Variants in ZNF827 observed in about 807,000 individuals in gnomAD.
The protein encoded by ZNF827 is zinc finger protein 827.
Under a neutral mutation model 102.4 loss-of-function variants are expected in ZNF827, and 13 were observed. That is an observed-to-expected ratio of 0.13 (90% CI 0.08 to 0.20). The LOEUF is 0.20. Ranked by LOEUF, ZNF827 falls within the 10% of genes least tolerant of loss-of-function variation. ZNF827 has a pLI of 1.00. For missense variants in ZNF827, 1,103 were observed against 1,344.4 expected (o/e 0.82, Z 2.81); for synonymous variants, 523 against 536.2 (o/e 0.98, Z 0.34).
At chr4:145,812,376 C>T (rs1742107995) in intron 8 of ZNF827, among the ~76,000 whole-genome samples, 1 of 152,164 alleles carries the variant, frequency 6.6e-6, no homozygotes, top group Non-Finnish European at 1.5e-5. Context: ...GCCTCCATCT[C>T]CCACTCTCTG....
chr4:145,767,540 C>T (rs937451643), intron 11 of ZNF827, among the ~76,000 whole-genome samples: 4 of 151,938 alleles, frequency 2.6e-5, no homozygotes, highest in African/African-American at 7.3e-5. Flanking sequence ...ATAAGAAACA[C>T]GAAGAAACCT....
Position 145,759,250 on chromosome 4 carries a change from A to C in ZNF827, c.*2366T>G, listed in dbSNP as rs1482851143. ...GGAAATTCTGTTGTTTTAAAAATAC[A>C]AGCAATGAACATATTCAGCCAAAGA... is the stretch of plus-strand genomic sequence containing the variant. On this transcript the variant is annotated 3_prime_UTR_variant, in exon 15 of 15. Transcript: ENST00000508784. 1 of 152,248 alleles carries C rather than the reference A, an allele frequency of 6.6e-6. No homozygotes were observed. Among genetic ancestry groups the C allele is most frequent in the Non-Finnish European group, 1.5e-5 (1 of 68,048 alleles). The allele number at this position is 152,248 out of a possible 1,614,324, so 9.4% of individuals were successfully genotyped here. A position where few individuals can be genotyped will look rare whatever the true frequency, so the allele number is the denominator to read the frequency against.
At chr4:145,878,429 T>C (rs77100247) in intron 4 of ZNF827, among the ~76,000 whole-genome samples, 2,502 of 152,042 alleles carry the variant, frequency 0.016, 65 homozygotes, top group African/African-American at 0.057. Context: ...GAGCTAGGGC[T>C]GAGCATGGTG....
Position 145,793,487 on chromosome 4 carries a change from A to G in ZNF827, c.2384-13976T>C, listed in dbSNP as rs1045833094. ...TGTTCAAGGGCAGGAAGCATCCAGCATGGGAGAAAGATGTCGGCTGGGAGG... is the reference window on the plus strand; with the variant it reads ...TGTTCAAGGGCAGGAAGCATCCAGCGTGGGAGAAAGATGTCGGCTGGGAGG... On this transcript the variant is annotated intron_variant, in intron 8 of 14. Coordinates refer to ENST00000508784, the MANE Select transcript of ZNF827 (RefSeq NM_001306215.2). 8.6e-5 allele frequency among the ~76,000 whole-genome samples: 13 copies of G among 151,528 alleles called. No homozygotes were observed. The East Asian group carries it at 1.7e-3, about 20-fold the overall frequency.
chr4:145,849,217 T>C (rs1746280455), intron 6 of ZNF827, 105 bp downstream of exon 6: 1 of 1,415,422 alleles, frequency 7.1e-7, no homozygotes, highest in Non-Finnish European at 9.4e-7. Context: ...GATTTCTGTC[T>C]AAAAAATCCT....
intron 5 of ZNF827, among the ~76,000 whole-genome samples, chr4:145,864,054 C>G (rs930029860): frequency 6.6e-6 from 1 of 151,694 alleles, no homozygotes; most frequent in Non-Finnish European, 1.5e-5. Context: ...ATCAGCCGGG[C>G]GCAGTGGCAG....
intron 5 of ZNF827, among the ~76,000 whole-genome samples, chr4:145,855,431 A>T (rs1180901442): frequency 2.0e-5 from 3 of 152,244 alleles, no homozygotes; most frequent in Non-Finnish European, 4.4e-5. Flanking sequence ...AGGATTGATC[A>T]TTACTTAAAA....
chr4:145,929,421 G>C (rs1365986708), intron 1 of ZNF827, among the ~76,000 whole-genome samples: 4 of 152,114 alleles, frequency 2.6e-5, no homozygotes, highest in African/African-American at 7.2e-5. Context: ...GGAGGATTTA[G>C]TATCCTCACT....
intron 7 of ZNF827, among the ~76,000 whole-genome samples, chr4:145,825,865 C>T (rs1249657034): frequency 6.6e-6 from 1 of 152,138 alleles, no homozygotes; most frequent in South Asian, 2.1e-4. Flanking sequence ...CCAGCTTTAT[C>T]CTGCATAGAA....
intron 2 of ZNF827, among the ~76,000 whole-genome samples, chr4:145,901,820 C>G (rs1167216719): frequency 6.6e-6 from 1 of 152,008 alleles, no homozygotes; most frequent in African/African-American, 2.4e-5. Flanking sequence ...TGATGCCATG[C>G]ACTCCATGAC....
intron 1 of ZNF827, among the ~76,000 whole-genome samples, chr4:145,909,027 T>C (rs766163652): frequency 6.6e-6 from 1 of 152,222 alleles, no homozygotes; most frequent in African/African-American, 2.4e-5. Flanking sequence ...AGAAAGCTAA[T>C]ATTCAAGTGA....
At chr4:145,870,193 G>T in intron 5 of ZNF827, 52 bp downstream of exon 5, 1 of 1,566,344 alleles carries the variant, frequency 6.4e-7, no homozygotes, top group Non-Finnish European at 8.8e-7. Flanking sequence ...CAGTCCAGTT[G>T]GCCTGCAAGT....
At chr4:145,810,993 C>CTT (rs34011180) in intron 8 of ZNF827, among the ~76,000 whole-genome samples, 1,668 of 137,962 alleles carry the variant, frequency 0.012, 43 homozygotes, top group African/African-American at 0.041. Flanking sequence ...ACTCATTTCG[C>CTT]TTTTTTTTTT....
intron 2 of ZNF827, among the ~76,000 whole-genome samples, chr4:145,896,287 C>T (rs1047719619): frequency 1.4e-4 from 21 of 152,148 alleles, no homozygotes; most frequent in African/African-American, 4.8e-4. Context: ...CTTGGCCCAA[C>T]GTTGTAGTTT....
At position 145,815,825 on chromosome 4, in the gene ZNF827, G is replaced by A. The variant is rs553786816; in HGVS notation, c.2383+7597C>T. On this transcript the variant is annotated intron_variant, in intron 8 of 14. Transcript: ENST00000508784. ...ATACTCAAGAATTTGGCCTTTTATA[G>A]CACTATTCATTCTCGAGGCATCTAA... Among the ~76,000 whole-genome samples the A allele has an allele frequency of 3.9e-5, 6 of 152,274 alleles. No individual in the cohort carries two copies. The South Asian group carries it at 1.2e-3, about 32-fold the overall frequency.
At chr4:145,888,379 G>A (rs944230833) in intron 3 of ZNF827, among the ~76,000 whole-genome samples, 27 of 152,118 alleles carry the variant, frequency 1.8e-4, no homozygotes, top group Admixed American at 6.5e-5. Context: ...CTAAAATGAA[G>A]ACATGCTTCT....
At chr4:145,856,991 A>G (rs868265610) in intron 5 of ZNF827, among the ~76,000 whole-genome samples, 56 of 151,484 alleles carry the variant, frequency 3.7e-4, no homozygotes, top group East Asian at 1.4e-3. Flanking sequence ...GCACGCACAC[A>G]CACACACACA....
Position 145,902,697 on chromosome 4 carries a change from G to A in ZNF827, c.562C>T (p.Arg188Cys), listed in dbSNP as rs1367445023. The change falls in exon 2 of 15, where the codon CGT (arginine) becomes TGT (cysteine). Residue 188 changes from arginine (R) to cysteine (C), a missense_variant. Around this residue, in one of 5 missense-constraint regions of ZNF827, gnomAD observed 441 missense variants for 458.6 expected, o/e 0.96. Coordinates refer to ENST00000508784, the MANE Select transcript of ZNF827 (RefSeq NM_001306215.2). This position sits in a 1 kb window ranked among gnomAD's most constrained non-coding sequence, Gnocchi z 4.3. ...CACTTACCTTGATTCCATATAAAAC[G>A]GTTACTTGGAGTGTATTGGTCATTC... ...EQNDQYTPSN[R>C]FIWNQGKWLP... The A allele has an allele frequency of 6.2e-6, 10 of 1,613,812 alleles. No homozygotes were observed. Among genetic ancestry groups the A allele is most frequent in the South Asian group, 5.5e-5 (5 of 91,070 alleles).
At chr4:145,816,672 A>G (rs766676401) in intron 8 of ZNF827, among the ~76,000 whole-genome samples, 18 of 152,252 alleles carry the variant, frequency 1.2e-4, no homozygotes, top group Non-Finnish European at 2.1e-4. Context: ...CACAATCCTT[A>G]GCCTCAAGTA....
Sources: allele counts gnomAD v4.1 joint callset (sites outside exome capture counted in the v4.1 genomes callset), GRCh38; gene constraint gnomAD v4.1.1; regional missense constraint gnomAD v4.1.1; non-coding constraint Gnocchi (gnomAD v3.1); transcripts MANE v1.5; gene names NCBI Gene and HGNC (gene_info 2026-07-23, HGNC 2026-07-21).